ANO3: variants seen among roughly 807,000 people sequenced by gnomAD.
The protein encoded by ANO3 is anoctamin-3.
A neutral mutation model predicts 144.8 loss-of-function variants in ANO3; 99 were observed. That is an observed-to-expected ratio of 0.68 (90% CI 0.58 to 0.81). ANO3 has a LOEUF of 0.81. ANO3 is among the 30% of genes least tolerant of loss of function. The pLI is 0.00. For missense variants in ANO3, 905 were observed against 1,202.2 expected (o/e 0.75, Z 3.66); for synonymous variants, 414 against 392.6 (o/e 1.05, Z -0.64).
intron 24 of ANO3, among the ~76,000 whole-genome samples, chr11:26,654,370 T>C (rs1853620681): frequency 6.6e-6 from 1 of 152,150 alleles, no homozygotes; most frequent in Non-Finnish European, 1.5e-5. Context: ...TTGGTATTTG[T>C]AATGTCACTA....
intron 14 of ANO3, among the ~76,000 whole-genome samples, chr11:26,596,551 C>T (rs1565131587): frequency 6.6e-6 from 1 of 152,112 alleles, no homozygotes; most frequent in Non-Finnish European, 1.5e-5. Context: ...GGCCAAGACT[C>T]CCTGGGTTCA....
In ANO3 at chr11:26,471,345, T is replaced by C. The variant is rs531862387; in HGVS notation, c.432+8197T>C. ...TGTGTGGCTAATTTACAACCTCCTG[T>C]AACTAGATTGACCTGTTTGTAATTT... On this transcript the variant is annotated intron_variant, in intron 4 of 26. Transcript: ENST00000256737. 1.1e-3 allele frequency among the ~76,000 whole-genome samples: 169 copies of C among 152,086 alleles called. 1 individual carries two copies. The highest frequency in any genetic ancestry group is 2.4e-3 in the African/African-American group (101 of 41,544).
chr11:26,426,329 A>G (rs946741913), intron 1 of ANO3, among the ~76,000 whole-genome samples: 8 of 152,196 alleles, frequency 5.3e-5, no homozygotes, highest in Admixed American at 3.3e-4. Context: ...TGGCCAAGGC[A>G]TAAGGAAATG....
At chr11:26,540,519 A>G (rs1201049364) in intron 10 of ANO3, among the ~76,000 whole-genome samples, 1 of 152,156 alleles carries the variant, frequency 6.6e-6, no homozygotes, top group Non-Finnish European at 1.5e-5. Flanking sequence ...TGAACAGGAA[A>G]CCTACAGAAT....
At chr11:26,538,782 A>G (rs1384659413) in intron 10 of ANO3, among the ~76,000 whole-genome samples, 1 of 152,168 alleles carries the variant, frequency 6.6e-6, no homozygotes, top group African/African-American at 2.4e-5. Flanking sequence ...ATACATGAAA[A>G]GAACACAAAA....
chr11:26,318,190 C>G (rs113296610), intron 1 of ANO3, among the ~76,000 whole-genome samples: 5,761 of 152,180 alleles, frequency 0.038, 380 homozygotes, highest in African/African-American at 0.13. Flanking sequence ...CAAACCACCG[C>G]AGCACGTGTA....
intron 3 of ANO3, among the ~76,000 whole-genome samples, chr11:26,453,070 C>A (rs1457502395): frequency 6.6e-6 from 1 of 151,974 alleles, no homozygotes; most frequent in African/African-American, 2.4e-5. Context: ...AAAAGAGCTC[C>A]TGAAGGAAGC....
intron 17 of ANO3, among the ~76,000 whole-genome samples, chr11:26,623,418 G>A (rs2133006108): frequency 6.6e-6 from 1 of 152,300 alleles, no homozygotes; most frequent in South Asian, 2.1e-4. Context: ...ATACCCACAA[G>A]TACTTCTGTC....
chr11:26,377,569 A>G (rs1191512629), intron 1 of ANO3, among the ~76,000 whole-genome samples: 1 of 152,120 alleles, frequency 6.6e-6, no homozygotes, highest in African/African-American at 2.4e-5. Flanking sequence ...AAAGGATGTA[A>G]TGAGAAATTT....
intron 1 of ANO3, among the ~76,000 whole-genome samples, chr11:26,227,304 T>C (rs1232546333): frequency 6.6e-6 from 1 of 152,228 alleles, no homozygotes; most frequent in Non-Finnish European, 1.5e-5. Flanking sequence ...ATGCATTTGC[T>C]AGACTTCATT....
At chr11:26,334,880 C>T (rs192771253) in intron 1 of ANO3, among the ~76,000 whole-genome samples, 49 of 152,146 alleles carry the variant, frequency 3.2e-4, no homozygotes, top group Non-Finnish European at 5.7e-4. Flanking sequence ...CTAGAAATCA[C>T]CCTTGTTATA....
chr11:26,574,793 A>G (rs901597256), intron 14 of ANO3, among the ~76,000 whole-genome samples: 2 of 152,130 alleles, frequency 1.3e-5, no homozygotes, highest in South Asian at 4.1e-4. Context: ...TCACTTAACT[A>G]TAACTTTTTG....
intron 17 of ANO3, among the ~76,000 whole-genome samples, chr11:26,617,767 A>G (rs78923910): frequency 0.013 from 2,031 of 152,328 alleles, 56 homozygotes; most frequent in African/African-American, 0.047. Context: ...AAACAATGTA[A>G]GAAGATGGTT....
chr11:26,391,580 A>G (rs1341035415), intron 1 of ANO3, among the ~76,000 whole-genome samples: 2 of 152,132 alleles, frequency 1.3e-5, no homozygotes, highest in Non-Finnish European at 1.5e-5. Flanking sequence ...AGTTTTGGCA[A>G]TGGTTTGATA....
chr11:26,627,348 CCTT>C (rs938695814), intron 18 of ANO3, among the ~76,000 whole-genome samples: 1 of 151,692 alleles, frequency 6.6e-6, no homozygotes, highest in Admixed American at 6.6e-5. Context: ...CTCTGCTTGT[CCTT>C]CTTCTTTACT....
At chr11:26,273,147 C>A (rs973717891) in intron 1 of ANO3, among the ~76,000 whole-genome samples, 1 of 152,008 alleles carries the variant, frequency 6.6e-6, no homozygotes, top group African/African-American at 2.4e-5. Flanking sequence ...CAATAAGAAC[C>A]CTTTTTTTGG....
intron 4 of ANO3, among the ~76,000 whole-genome samples, chr11:26,469,426 G>A (rs1008643295): frequency 4.2e-4 from 64 of 151,858 alleles, no homozygotes; most frequent in Non-Finnish European, 8.8e-5. Context: ...ACATTCAAAT[G>A]TTCTCACAAC....
Position 26,460,010 on chromosome 11 carries a change from G to T in ANO3, c.314-3020G>T, listed in dbSNP as rs138729338. ...GCTCTTAAAACATGTTGATGGATGC[G>T]CCTCCATGATCCAAACACTTCCCAC... On this transcript the variant is annotated intron_variant, in intron 3 of 26. Transcript: ENST00000256737. 1.5e-5 allele frequency: 6 copies of T among 388,956 alleles called. 1 individual carries two copies. The highest frequency in any genetic ancestry group is 7.1e-4 in the Middle Eastern group (2 of 2,814). 24.1% of individuals were successfully genotyped at this position (388,956 alleles called of 1,614,324 possible).
At chr11:26,221,188 T>G (rs1852136255) in intron 1 of ANO3, among the ~76,000 whole-genome samples, 1 of 152,162 alleles carries the variant, frequency 6.6e-6, no homozygotes, top group African/African-American at 2.4e-5. Context: ...CCCACTAAGA[T>G]TTTGTCATGT....
Sources: allele counts gnomAD v4.1 joint callset (sites outside exome capture counted in the v4.1 genomes callset), GRCh38; gene constraint gnomAD v4.1.1; transcripts MANE v1.5; gene names NCBI Gene and HGNC (gene_info 2026-07-23, HGNC 2026-07-21).